WDPCP: variants seen among roughly 807,000 people sequenced by gnomAD.
WDPCP encodes WD repeat containing planar cell polarity effector.
In WDPCP, 71 loss-of-function variants were observed where a neutral mutation model predicts 93.1. The observed-to-expected ratio is 0.76, with a 90% CI of 0.63 to 0.93. The LOEUF is 0.93. Ranked by LOEUF, WDPCP falls within the 40% of genes least tolerant of loss-of-function variation. WDPCP has a pLI of 0.00. For missense variants in WDPCP, 844 were observed against 887.4 expected (o/e 0.95, Z 0.62); for synonymous variants, 315 against 315.0 (o/e 1.00, Z 0.00).
chr2:63,634,100 A>T (rs1346530579), intron 3 of WDPCP, among the ~76,000 whole-genome samples: 1 of 152,160 alleles, frequency 6.6e-6, no homozygotes, highest in Non-Finnish European at 1.5e-5. Context: ...GCAAACATAG[A>T]CTGCCTGAGT....
At chr2:63,699,865 T>C (rs1408629748) in intron 2 of WDPCP, among the ~76,000 whole-genome samples, 1 of 152,174 alleles carries the variant, frequency 6.6e-6, no homozygotes, top group Non-Finnish European at 1.5e-5. Context: ...GATAGTATTA[T>C]ACAAGGTCTC....
intron 15 of WDPCP, among the ~76,000 whole-genome samples, chr2:63,162,852 A>T (rs1035887152): frequency 7.2e-5 from 11 of 152,186 alleles, no homozygotes; most frequent in African/African-American, 2.7e-4. Flanking sequence ...TAATATAGAT[A>T]AGGCTTTATA....
intron 14 of WDPCP, among the ~76,000 whole-genome samples, chr2:63,191,042 A>G (rs1003137556): frequency 6.6e-6 from 1 of 152,232 alleles, no homozygotes; most frequent in African/African-American, 2.4e-5. Flanking sequence ...CAGTTTATAG[A>G]TGTTTGATCT....
chr2:63,396,554 C>T (rs896743862), intron 10 of WDPCP, among the ~76,000 whole-genome samples: 3 of 152,078 alleles, frequency 2.0e-5, no homozygotes, highest in African/African-American at 2.4e-5. Context: ...AAGGAGTGAG[C>T]GTGAGAGCAC....
chr2:63,401,814 GTC>G (rs1694175517), intron 10 of WDPCP, among the ~76,000 whole-genome samples: 2 of 151,960 alleles, frequency 1.3e-5, no homozygotes, highest in Non-Finnish European at 1.5e-5. Flanking sequence ...CAAAAAAAAG[GTC>G]AAGAAAACAA....
intron 2 of WDPCP, among the ~76,000 whole-genome samples, chr2:63,651,398 C>T (rs906187383): frequency 2.6e-5 from 4 of 151,974 alleles, no homozygotes; most frequent in Non-Finnish European, 5.9e-5. Context: ...TCAGAAAAGG[C>T]TTCCGTTTCA....
At chr2:63,682,661 A>G (rs1028150610) in intron 2 of WDPCP, among the ~76,000 whole-genome samples, 1 of 152,160 alleles carries the variant, frequency 6.6e-6, no homozygotes, top group African/African-American at 2.4e-5. Context: ...AAACCTAGAG[A>G]AAGATATAAA....
intron 12 of WDPCP, among the ~76,000 whole-genome samples, chr2:63,355,304 GA>G (rs924583368): frequency 2.3e-4 from 35 of 152,006 alleles, no homozygotes; most frequent in Admixed American, 6.6e-4. Context: ...CATTCTTAAA[GA>G]AAAAAATCTT....
chr2:63,200,580 A>G (rs1158542589), intron 14 of WDPCP, among the ~76,000 whole-genome samples: 1 of 152,238 alleles, frequency 6.6e-6, no homozygotes, highest in Non-Finnish European at 1.5e-5. Flanking sequence ...AGGCACAGAA[A>G]GACAAACTTA....
chr2:63,575,360 A>AGT (rs1415422471), intron 1 of WDPCP, among the ~76,000 whole-genome samples: 9 of 105,018 alleles, frequency 8.6e-5, no homozygotes, highest in Admixed American at 1.8e-4. Flanking sequence ...TGGTATATAC[A>AGT]GTATATACAG....
chr2:63,793,583 C>T (rs1325336126), intron 2 of WDPCP, among the ~76,000 whole-genome samples: 1 of 151,984 alleles, frequency 6.6e-6, no homozygotes, highest in African/African-American at 2.4e-5. Flanking sequence ...TGCACCTAAG[C>T]CCGGGTGACA....
chr2:63,815,333 T>G (rs1247714158), intron 1 of WDPCP, among the ~76,000 whole-genome samples: 2 of 152,200 alleles, frequency 1.3e-5, no homozygotes, highest in African/African-American at 2.4e-5. Context: ...AATCAGAGAC[T>G]TTCTAGTGGA....
rs1575327349 is a variant in WDPCP, at chr2:63,398,032, G to A, written c.1435+6016C>T. Among the ~76,000 whole-genome samples the A allele has an allele frequency of 1.3e-5, 2 of 152,260 alleles. 1 individual carries two copies. The highest frequency in any genetic ancestry group is 6.8e-3 in the Middle Eastern group (2 of 294). ...TAAAGGTGTCAAAGGGAATGTTATG[G>A]GATCCACAGAGCAAATAGTGGTGGC... On this transcript the variant is annotated intron_variant, in intron 10 of 17. Coordinates refer to ENST00000272321, the MANE Select transcript of WDPCP (RefSeq NM_015910.7).
intron 6 of WDPCP, among the ~76,000 whole-genome samples, chr2:63,471,544 A>G (rs1371923353): frequency 1.3e-5 from 2 of 152,246 alleles, no homozygotes; most frequent in East Asian, 1.9e-4. Context: ...AGTGTCTTCA[A>G]TAGATGCTGT....
chr2:63,151,519 G>A (rs1332278579), intron 17 of WDPCP, among the ~76,000 whole-genome samples: 2 of 152,128 alleles, frequency 1.3e-5, no homozygotes, highest in African/African-American at 2.4e-5. Context: ...CACCTGGCCA[G>A]GATGTTGTTG....
intron 3 of WDPCP, among the ~76,000 whole-genome samples, chr2:63,600,669 C>A (rs150128372): frequency 6.6e-6 from 1 of 152,240 alleles, no homozygotes; most frequent in East Asian, 1.9e-4. Flanking sequence ...CCTAAACATT[C>A]CTAATTTAGA....
At chr2:63,260,604 C>A (rs1481828949) in intron 13 of WDPCP, among the ~76,000 whole-genome samples, 2 of 152,146 alleles carry the variant, frequency 1.3e-5, no homozygotes, top group Non-Finnish European at 2.9e-5. Context: ...GGCTGGAGTG[C>A]AGTGGCATGA....
chr2:63,181,335 C>A (rs1368310367), intron 14 of WDPCP, among the ~76,000 whole-genome samples: 1 of 152,028 alleles, frequency 6.6e-6, no homozygotes. Context: ...TCAGGTCTTA[C>A]ATTTAAGCTT....
At position 63,613,532 on chromosome 2, in the gene WDPCP, A is replaced by G. The variant is rs527286820; in HGVS notation, n.488+37127T>C. Among the ~76,000 whole-genome samples the G allele has an allele frequency of 2.0e-5, 3 of 152,360 alleles. No homozygotes were observed. In the East Asian group the frequency reaches 5.8e-4, roughly 29 times the overall value. The stretch of plus-strand genomic sequence containing the variant: ...CTGCTCTCTATGCTGCCAGCAAAGC[A>G]GGCTGTAGCAGTACAGGCACAGTCC... On this transcript the variant is annotated intron_variant and non_coding_transcript_variant, in intron 3 of 4. Coordinates refer to the WDPCP transcript ENST00000467687.
Sources: allele counts gnomAD v4.1 joint callset (sites outside exome capture counted in the v4.1 genomes callset), GRCh38; gene constraint gnomAD v4.1.1; transcripts MANE v1.5; gene names NCBI Gene and HGNC (gene_info 2026-07-23, HGNC 2026-07-21).